The following PEX5L variants were observed in gnomAD, a reference collection of about 807,000 sequenced individuals.
PEX5L encodes PEX5-related protein.
PEX5L carries 30 observed loss-of-function variants against 84.0 expected under a neutral mutation model. That is an observed-to-expected ratio of 0.36 (90% confidence interval 0.27 to 0.48). The LOEUF is 0.48. PEX5L is among the 20% of genes least tolerant of loss of function. PEX5L has a pLI of 0.99. For synonymous variants in PEX5L, 270 were observed against 283.1 expected, an observed-to-expected ratio of 0.95 and a Z score of 0.46; for missense variants, 533 against 754.6, an observed-to-expected ratio of 0.71 and a Z score of 3.44.
At chr3:179,903,313 T>A (rs1762050117) in intron 2 of PEX5L, among the ~76,000 whole-genome samples, 1 of 151,396 alleles carries the variant, frequency 6.6e-6, no homozygotes, top group African/African-American at 2.4e-5. Flanking sequence ...CTCAACCTCC[T>A]CGGCTCATGT....
chr3:180,008,547 G>A (rs115855189), intron 1 of PEX5L, among the ~76,000 whole-genome samples: 4,003 of 152,188 alleles, frequency 0.026, 183 homozygotes, highest in African/African-American at 0.092. Flanking sequence ...GTATTAGTTC[G>A]TTTTGATGCT....
At chr3:179,985,207 G>T (rs1025310678) in intron 1 of PEX5L, among the ~76,000 whole-genome samples, 6 of 152,118 alleles carry the variant, frequency 3.9e-5, no homozygotes, top group Non-Finnish European at 8.8e-5. Context: ...CTAGAACAGT[G>T]CCTAATATAT....
At chr3:179,992,884 G>GTTTATGTA (rs142873481) in intron 1 of PEX5L, among the ~76,000 whole-genome samples, 20 of 151,886 alleles carry the variant, frequency 1.3e-4, no homozygotes, top group African/African-American at 2.4e-4. Context: ...GTATGTATGT[G>GTTTATGTA]TCTATGTATG....
chr3:180,027,952 C>G (rs1056328935), intron 1 of PEX5L, among the ~76,000 whole-genome samples: 1 of 152,102 alleles, frequency 6.6e-6, no homozygotes. Context: ...TGATTATTAC[C>G]TGAGTGACGC....
intron 1 of PEX5L, among the ~76,000 whole-genome samples, chr3:179,972,430 A>G (rs1785000022): frequency 2.0e-5 from 3 of 152,132 alleles, no homozygotes; most frequent in Admixed American, 2.0e-4. Flanking sequence ...TACAGCAGAA[A>G]GATAATATGT....
chr3:179,921,018 C>T (rs904547294), intron 2 of PEX5L, among the ~76,000 whole-genome samples: 1 of 152,084 alleles, frequency 6.6e-6, no homozygotes, highest in Non-Finnish European at 1.5e-5. Flanking sequence ...GAACCCTAAT[C>T]AATTACACAG....
At chr3:180,003,989 C>T (rs573860674) in intron 1 of PEX5L, among the ~76,000 whole-genome samples, 4 of 152,262 alleles carry the variant, frequency 2.6e-5, no homozygotes, top group South Asian at 4.1e-4. Flanking sequence ...TTATACAGGA[C>T]GTCTTATGTT....
intron 8 of PEX5L, among the ~76,000 whole-genome samples, chr3:179,834,039 T>C (rs1462752362): frequency 6.6e-6 from 1 of 152,036 alleles, no homozygotes; most frequent in African/African-American, 2.4e-5. Context: ...AGGGTCTCCA[T>C]ATGTTGCCCA....
chr3:179,928,123 A>G (rs536291860), intron 2 of PEX5L, among the ~76,000 whole-genome samples: 2 of 152,328 alleles, frequency 1.3e-5, no homozygotes, highest in Non-Finnish European at 2.9e-5. Context: ...TTCCTTTCAT[A>G]TAATTGTTTA....
At chr3:180,022,351 G>A (rs1395055087) in intron 1 of PEX5L, among the ~76,000 whole-genome samples, 1 of 152,140 alleles carries the variant, frequency 6.6e-6, no homozygotes, top group Non-Finnish European at 1.5e-5. Context: ...TTTTGATCCT[G>A]CCATTTAGAA....
At chr3:179,915,921 C>A (rs1766898089) in intron 2 of PEX5L, among the ~76,000 whole-genome samples, 1 of 152,186 alleles carries the variant, frequency 6.6e-6, no homozygotes, top group Admixed American at 6.5e-5. Context: ...CAGCATGTTA[C>A]AAAGTTTCCA....
At chr3:179,854,161 T>C (rs1392448374) in intron 8 of PEX5L, among the ~76,000 whole-genome samples, 1 of 150,830 alleles carries the variant, frequency 6.6e-6, no homozygotes, top group Non-Finnish European at 1.5e-5. Context: ...GATGTTTCAA[T>C]ACAATGTTAA....
intron 2 of PEX5L, among the ~76,000 whole-genome samples, chr3:179,956,726 A>G (rs1339862360): frequency 6.6e-6 from 1 of 152,210 alleles, no homozygotes; most frequent in Non-Finnish European, 1.5e-5. Context: ...ACTGCCACAT[A>G]GAATATAGTT....
intron 2 of PEX5L, among the ~76,000 whole-genome samples, chr3:179,945,334 G>A (rs1777215821): frequency 6.6e-6 from 1 of 152,180 alleles, no homozygotes; most frequent in Non-Finnish European, 1.5e-5. Flanking sequence ...TCCCTACTGA[G>A]AGAGGATATT....
chr3:179,983,122 T>C (rs992871580), intron 1 of PEX5L, among the ~76,000 whole-genome samples: 11 of 152,030 alleles, frequency 7.2e-5, no homozygotes, highest in Non-Finnish European at 5.9e-5. Context: ...TCTATTTTTA[T>C]ACATAGATAC....
intron 2 of PEX5L, among the ~76,000 whole-genome samples, chr3:179,919,607 T>C (rs1400996567): frequency 6.6e-6 from 1 of 152,144 alleles, no homozygotes; most frequent in African/African-American, 2.4e-5. Context: ...CGATGTGCCT[T>C]GAGTAGGTGG....
At chr3:179,888,924 C>T (rs1578082856) in intron 3 of PEX5L, among the ~76,000 whole-genome samples, 1 of 151,796 alleles carries the variant, frequency 6.6e-6, no homozygotes, top group Admixed American at 6.6e-5. Flanking sequence ...ACCACTATGG[C>T]CGGCTAATTT....
At chr3:179,824,950 T>C (rs1245092558) in intron 8 of PEX5L, among the ~76,000 whole-genome samples, 1 of 152,204 alleles carries the variant, frequency 6.6e-6, no homozygotes, top group East Asian at 1.9e-4. Flanking sequence ...GAAGATTTTA[T>C]GTGGCTGCCC....
rs1718708356 is a variant in PEX5L, at chr3:179,801,014, T to A, written c.*814A>T. The A allele has an allele frequency of 6.6e-6, 1 of 152,596 alleles. No individual in the cohort carries two copies. The highest frequency in any genetic ancestry group is 1.5e-5 in the Non-Finnish European group (1 of 68,030). 9.5% of individuals were successfully genotyped at this position (152,596 alleles called of 1,614,324 possible). ...CTGTTTGCCATATTTACGCCTTATG[T>A]CATCGTATCTGCTTTAAGAAAAACA... On this transcript the variant is annotated 3_prime_UTR_variant, in exon 15 of 15. Transcript: ENST00000467460.
Sources: allele counts gnomAD v4.1 joint callset (sites outside exome capture counted in the v4.1 genomes callset), GRCh38; gene constraint gnomAD v4.1.1; transcripts MANE v1.5; gene names NCBI Gene and HGNC (gene_info 2026-07-23, HGNC 2026-07-21).